Variants in EP300 observed in about 807,000 individuals in gnomAD.
The protein encoded by EP300 is EP300 lysine acetyltransferase, also known as histone acetyltransferase p300.
In EP300, 31 loss-of-function variants were observed where a neutral mutation model predicts 264.0. That is an observed-to-expected ratio of 0.12 (90% CI 0.09 to 0.16). EP300 has a LOEUF of 0.16. EP300 is among the 10% of genes least tolerant of loss of function. The pLI, the probability that EP300 is intolerant of heterozygous loss-of-function variation, is 1.00. For missense variants in EP300, 2,766 were observed against 3,052.9 expected (o/e 0.91, Z 2.21); for synonymous variants, 1,340 against 1,045.4 (o/e 1.28, Z -5.44).
intron 23 of EP300, among the ~76,000 whole-genome samples, chr22:41,167,823 T>TG: frequency 2.9e-5 from 1 of 34,424 alleles, no homozygotes; most frequent in South Asian, 1.1e-3. Context: ...TGTTTTTTTT[T>TG]TTGTTTTTTT....
chr22:41,134,100 T>C (rs936356911), intron 6 of EP300, among the ~76,000 whole-genome samples: 4 of 152,002 alleles, frequency 2.6e-5, no homozygotes, highest in Admixed American at 6.6e-5. Flanking sequence ...TAATATTCTT[T>C]AGATTCTTCA....
At chr22:41,141,712 C>T (rs979688451) in intron 10 of EP300, among the ~76,000 whole-genome samples, 4 of 151,232 alleles carry the variant, frequency 2.6e-5, no homozygotes, top group South Asian at 2.1e-4. Context: ...AGTCTCACTC[C>T]GTCACCCAGG....
intron 1 of EP300, among the ~76,000 whole-genome samples, chr22:41,115,104 T>A (rs2058813675): frequency 6.6e-6 from 1 of 152,124 alleles, no homozygotes; most frequent in South Asian, 2.1e-4. Flanking sequence ...CAACACCCAG[T>A]AATGCCTTTT....
At chr22:41,132,453 A>G (rs2058926050) in intron 6 of EP300, among the ~76,000 whole-genome samples, 1 of 151,444 alleles carries the variant, frequency 6.6e-6, no homozygotes, top group Non-Finnish European at 1.5e-5. Flanking sequence ...ATGCCCAGCT[A>G]ATTTTTGTAT....
chr22:41,145,096 AC>A (rs1844555468), intron 10 of EP300, among the ~76,000 whole-genome samples: 1 of 152,128 alleles, frequency 6.6e-6, no homozygotes, highest in South Asian at 2.1e-4. Context: ...AGCTTGGAAC[AC>A]CTATCCATAT....
intron 1 of EP300, 101 bp downstream of exon 1, chr22:41,093,199 C>G: frequency 2.6e-6 from 3 of 1,159,628 alleles, no homozygotes; most frequent in Non-Finnish European, 1.3e-6. Flanking sequence ...TCTCTAGTTC[C>G]CTGCCCCTTA....
chr22:41,098,250 C>T lies in EP300; in HGVS notation c.94+5152C>T, dbSNP rs368250177. Among the ~76,000 whole-genome samples, 167 of 152,256 alleles carry T rather than the reference C, an allele frequency of 1.1e-3. 3 individuals are homozygous for T. The South Asian group carries it at 0.016, about 14-fold the overall frequency. On this transcript the variant is annotated intron_variant, in intron 1 of 30. Transcript: ENST00000263253. ...GAAATTTTCATGGGAAATTACTGCT[C>T]ACTTTCCCAGAAGCGCTTAAGAGGA...
At chr22:41,135,578 A>C (rs1316480582) in intron 6 of EP300, among the ~76,000 whole-genome samples, 1 of 150,246 alleles carries the variant, frequency 6.7e-6, no homozygotes, top group African/African-American at 2.5e-5. Flanking sequence ...TTTTTTTTTA[A>C]GTTATGTTTC....
rs779702196 is a variant in EP300 at position 41,151,928 on chromosome 22, G to T, written c.2913G>T (p.Gln971His). Residue 971 changes from glutamine (Q) to histidine (H), a missense_variant, in exon 15 of 31, where the codon CAG becomes CAT. Coordinates refer to ENST00000263253, the MANE Select transcript of EP300 (RefSeq NM_001429.4). ...EVNSQAIAEK[Q>H]PSQEVKMEAK... ...ATTCTCAGGCCATTGCTGAGAAGCA[G>T]CCTTCCCAGGAAGTGAAGATGGAGG... is the stretch of plus-strand genomic sequence containing the variant. The T allele has an allele frequency of 1.9e-6, 3 of 1,614,094 alleles. No homozygotes were observed. Among genetic ancestry groups the T allele is most frequent in the Non-Finnish European group, 2.5e-6 (3 of 1,180,006 alleles).
chr22:41,126,918 A>G (rs1401147361), intron 3 of EP300, among the ~76,000 whole-genome samples: 1 of 151,272 alleles, frequency 6.6e-6, no homozygotes, highest in Non-Finnish European at 1.5e-5. Context: ...CTAACTTTGT[A>G]TTTTTAGTAG....
chr22:41,148,894 C>T, intron 12 of EP300, 144 bp from the exon 13 acceptor site: 2 of 1,021,222 alleles, frequency 2.0e-6, no homozygotes, highest in South Asian at 1.5e-5. Context: ...CTTCCTTCTC[C>T]TCTTCAGCCC....
At chr22:41,136,946 G>A (rs1351636559) in intron 7 of EP300, among the ~76,000 whole-genome samples, 1 of 152,122 alleles carries the variant, frequency 6.6e-6, no homozygotes, top group Admixed American at 6.6e-5. Context: ...TGTAATCCCA[G>A]CTACTCAGGA....
chr22:41,106,692 G>C (rs764183873), intron 1 of EP300, among the ~76,000 whole-genome samples: 1 of 151,938 alleles, frequency 6.6e-6, no homozygotes, highest in Non-Finnish European at 1.5e-5. Flanking sequence ...CTTGGCTCAC[G>C]GCAGCCTCGA....
chr22:41,126,879 G>A (rs2058886006), intron 3 of EP300, among the ~76,000 whole-genome samples: 1 of 151,246 alleles, frequency 6.6e-6, no homozygotes, highest in African/African-American at 2.4e-5. Flanking sequence ...TGAGTAGCTG[G>A]GATTACAGGC....
chr22:41,121,948 C>T (rs558020926), intron 2 of EP300, among the ~76,000 whole-genome samples: 16 of 152,056 alleles, frequency 1.1e-4, no homozygotes, highest in South Asian at 2.1e-4. Context: ...ACAACTCCCC[C>T]ATGTATAGGT....
chr22:41,125,594 A>G (rs567281595), intron 2 of EP300, among the ~76,000 whole-genome samples: 1 of 151,976 alleles, frequency 6.6e-6, no homozygotes, highest in Admixed American at 6.5e-5. Context: ...ATGGCTCCCT[A>G]CAACCTCTAC....
At chr22:41,136,027 G>T in intron 7 of EP300, 121 bp downstream of exon 7, 1 of 791,690 alleles carries the variant, frequency 1.3e-6, no homozygotes, top group Non-Finnish European at 2.2e-6. Flanking sequence ...ACAGATAGAT[G>T]TTTGAGTCCA....
At chr22:41,154,431 G>C (rs1474699751) in intron 16 of EP300, among the ~76,000 whole-genome samples, 4 of 130,394 alleles carry the variant, frequency 3.1e-5, no homozygotes, top group Non-Finnish European at 4.6e-5. Context: ...GCCTAGGCTG[G>C]AGTGCAGTGG....
At chr22:41,160,497 AT>A (rs2059102222) in intron 19 of EP300, 144 bp from the exon 20 acceptor site, 1 of 709,976 alleles carries the variant, frequency 1.4e-6, no homozygotes, top group Non-Finnish European at 2.6e-6. Context: ...TATCTGCATC[AT>A]TGAATGTCCT....
Sources: gnomAD v4.1 joint callset for allele counts (sites outside exome capture counted in the v4.1 genomes callset) on GRCh38, gnomAD v4.1.1 for gene constraint, MANE v1.5 for transcripts, NCBI Gene and HGNC (gene_info 2026-07-23, HGNC 2026-07-21) for gene names.